Variants in MAPKBP1 observed in about 807,000 individuals in gnomAD.
The protein encoded by MAPKBP1 is mitogen-activated protein kinase binding protein 1, also known as mitogen-activated protein kinase-binding protein 1.
A neutral mutation model predicts 170.5 loss-of-function variants in MAPKBP1; 71 were observed. The ratio of observed to expected loss-of-function variants is 0.42; its 90% CI spans 0.34 to 0.51. The LOEUF is 0.51. MAPKBP1 is among the 20% of genes least tolerant of loss of function. MAPKBP1 has a pLI of 0.06. For synonymous variants in MAPKBP1, 719 were observed against 757.9 expected (o/e 0.95, Z 0.84); for missense variants, 1,598 against 1,933.0 (o/e 0.83, Z 3.25).
In MAPKBP1 at chr15:41,800,558, C is replaced by T. The variant is rs552678424; in HGVS notation, c.206+644C>T. ...CCACATTGCCCAGGCTGGTGTTGAA[C>T]TCCTGAGCTCAAGCCATCCACCTGC... is the stretch of plus-strand genomic sequence containing the variant. On this transcript the variant is annotated intron_variant, in intron 3 of 30. Transcript: ENST00000457542. Among the ~76,000 whole-genome samples, 3 of 152,272 alleles carry T rather than the reference C, an allele frequency of 2.0e-5. No homozygotes were observed. The South Asian group carries it at 6.2e-4, about 32-fold the overall frequency.
At chr15:41,821,152 TC>T in intron 23 of MAPKBP1, 84 bp downstream of exon 23, 2 of 1,275,106 alleles carry the variant, frequency 1.6e-6, no homozygotes, top group Non-Finnish European at 2.3e-6. Context: ...TGAGCACTGG[TC>T]CAGCTATGCT....
chr15:41,818,856 G>A lies in MAPKBP1; in HGVS notation c.2190G>A (p.Met730Ile). Residue 730 changes from methionine to isoleucine, a missense_variant, in exon 20 of 31, where the codon ATG becomes ATA. By Grantham distance (10) the Met-to-Ile change is conservative (BLOSUM62 1). Transcript: ENST00000457542. The surrounding 1 kb of genome is among the most constrained non-coding windows in gnomAD (Gnocchi z 5.2). Reference protein sequence around the residue: ...CIFVWRLSSEMTISMRQRLAE... With the variant: ...CIFVWRLSSEITISMRQRLAE... ...TTGTGTGGCGCCTGAGCTCTGAGAT[G>A]ACCATCAGCATGAGGCAGCGTCTGG... The A allele has an allele frequency of 6.2e-7, 1 of 1,614,184 alleles. No individual in the cohort carries two copies. The highest frequency in any genetic ancestry group is 8.5e-7 in the Non-Finnish European group (1 of 1,180,016).
intron 2 of MAPKBP1, among the ~76,000 whole-genome samples, chr15:41,789,237 CTTTG>C (rs975350645): frequency 2.6e-5 from 4 of 151,848 alleles, no homozygotes; most frequent in Non-Finnish European, 4.4e-5. Context: ...GCTCATAAAG[CTTTG>C]TTTGTGGTTC....
chr15:41,809,107 C>G (rs1374025336), intron 3 of MAPKBP1, among the ~76,000 whole-genome samples: 1 of 146,250 alleles, frequency 6.8e-6, no homozygotes, highest in East Asian at 2.0e-4. Flanking sequence ...AAGGGCTGAG[C>G]CAGGGTGGCA....
intron 2 of MAPKBP1, among the ~76,000 whole-genome samples, chr15:41,787,456 C>G (rs1485920029): frequency 6.6e-6 from 1 of 152,026 alleles, no homozygotes; most frequent in Non-Finnish European, 1.5e-5. Flanking sequence ...CAGCCTCTGC[C>G]TCCCAAGTTC....
rs1452680265 is a variant in MAPKBP1, at chr15:41,823,672, G to A, written c.3824G>A (p.Arg1275Gln). ...VAEPQAHAPIRVSPLSKLALP... is the reference protein window; with the variant it reads ...VAEPQAHAPIQVSPLSKLALP... ...GAACCTCAAGCTCATGCCCCCATCC[G>A]AGTCTCACCACTCAGCAAGCTGGCC... The change falls in exon 29 of 31, where the codon CGA (arginine) becomes CAA (glutamine). Residue 1275 changes from arginine (R) to glutamine (Q), a missense_variant. This residue lies in a region of MAPKBP1 where 942 missense variants were observed against 953.2 expected (regional missense o/e 0.99). Transcript: ENST00000457542. 10 of 1,614,100 alleles carry A rather than the reference G, an allele frequency of 6.2e-6. 1 individual carries two copies. In the East Asian group the frequency reaches 6.7e-5, roughly 11 times the overall value.
chr15:41,820,959 A>G lies in MAPKBP1; in HGVS notation c.2609A>G (p.Glu870Gly), dbSNP rs1220334076. ...TCCATGCTGGATCTGCGGCAGCTGG[A>G]AACACTGGCCCCAAGCCTGCAGGAC... ...VRSMLDLRQL[E>G]TLAPSLQDPS... Residue 870 changes from glutamate to glycine, a missense_variant, in exon 23 of 31, where the codon GAA becomes GGA. By Grantham distance (98) the Glu-to-Gly change is moderately conservative. Around this residue, in one of 6 missense-constraint regions of MAPKBP1, gnomAD observed 942 missense variants for 953.2 expected, o/e 0.99. Transcript: ENST00000457542. 6.2e-7 allele frequency: 1 copy of G among 1,614,058 alleles called. No individual in the cohort carries two copies. The highest frequency in any genetic ancestry group is 2.2e-5 in the East Asian group (1 of 44,894).
At chr15:41,806,177 A>G (rs573193063) in intron 3 of MAPKBP1, among the ~76,000 whole-genome samples, 2 of 152,340 alleles carry the variant, frequency 1.3e-5, no homozygotes, top group South Asian at 2.1e-4. Context: ...GTGAAGATGG[A>G]TCCCCACCCC....
At chr15:41,819,070 C>T in intron 20 of MAPKBP1, 113 bp downstream of exon 20, 2 of 1,511,516 alleles carry the variant, frequency 1.3e-6, no homozygotes, top group Non-Finnish European at 1.8e-6. Flanking sequence ...TCTCCCAAGA[C>T]CTTACCTCTC....
Position 41,816,893 on chromosome 15 carries a change from A to G in MAPKBP1, c.1586-17A>G. ...GTTCAGGGCACTCATGGGCTGATGG[A>G]GTTCTTTCATCCCCAGGTCTGAAAC... On this transcript the variant is annotated splice_polypyrimidine_tract_variant and intron_variant, in intron 13 of 30. Transcript: ENST00000457542. The G allele has an allele frequency of 6.3e-7, 1 of 1,593,996 alleles. No individual in the cohort carries two copies. Among genetic ancestry groups the G allele is most frequent in the South Asian group, 1.1e-5 (1 of 87,872 alleles).
chr15:41,803,071 T>C (rs371453165), intron 3 of MAPKBP1, among the ~76,000 whole-genome samples: 2 of 152,156 alleles, frequency 1.3e-5, no homozygotes, highest in Admixed American at 1.3e-4. Flanking sequence ...TTTAATACTC[T>C]GAGCAACTAT....
At chr15:41,775,540 T>C in intron 2 of MAPKBP1, 151 bp downstream of exon 2, 1 of 653,908 alleles carries the variant, frequency 1.5e-6, no homozygotes, top group Non-Finnish European at 2.7e-6. Context: ...GATTTGGTTT[T>C]AGGTTGAAGG....
At chr15:41,810,564 A>C in intron 3 of MAPKBP1, 1 of 270,100 alleles carries the variant, frequency 3.7e-6, no homozygotes, top group East Asian at 6.9e-5. Context: ...AAAAAAAAAT[A>C]CAAAGATTAG....
In MAPKBP1 at chr15:41,817,020, G is replaced by T; in HGVS notation, c.1696G>T (p.Ala566Ser). ...TLDEHSSSIT[A>S]VKFAASDGQV... The stretch of plus-strand genomic sequence containing the variant: ...GGACGAACACTCATCCTCCATCACT[G>T]CTGTTAAGTTTGCAGGTGCGGGCAG... The change falls in exon 14 of 31, where the codon GCT (alanine) becomes TCT (serine). Residue 566 changes from alanine (A) to serine (S), a missense_variant. Physicochemically the swap from Ala to Ser is moderately conservative, Grantham distance 99. Transcript: ENST00000457542. This position sits in a 1 kb window ranked among gnomAD's most constrained non-coding sequence, Gnocchi z 4.2. 1 of 1,598,750 alleles carries T rather than the reference G, an allele frequency of 6.3e-7. No individual in the cohort carries two copies. Among genetic ancestry groups the T allele is most frequent in the Non-Finnish European group, 8.5e-7 (1 of 1,169,704 alleles).
chr15:41,777,504 T>G (rs970345116), intron 2 of MAPKBP1, among the ~76,000 whole-genome samples: 1 of 152,214 alleles, frequency 6.6e-6, no homozygotes, highest in Non-Finnish European at 1.5e-5. Context: ...TGCTTCAGAC[T>G]GCTTTAGATG....
At chr15:41,800,760 A>G (rs1252813347) in intron 3 of MAPKBP1, among the ~76,000 whole-genome samples, 1 of 151,022 alleles carries the variant, frequency 6.6e-6, no homozygotes, top group Non-Finnish European at 1.5e-5. Flanking sequence ...GTAACACTGT[A>G]TTTGGCCTTT....
rs999953031 is a variant in MAPKBP1 at position 41,825,489 on chromosome 15, G to A, written c.*53G>A. 25 of 1,452,924 alleles carry A rather than the reference G, an allele frequency of 1.7e-5. No homozygotes were observed. Among genetic ancestry groups the A allele is most frequent in the Non-Finnish European group, 2.1e-5 (23 of 1,075,482 alleles). The allele number at this position is 1,452,924 out of a possible 1,614,324, so 90.0% of individuals were successfully genotyped here. The stretch of plus-strand genomic sequence containing the variant: ...AATGCTCCAGCGATTCCAAACTGCA[G>A]CCCCTCTGCCCCTCACCAAAACCTG... On this transcript the variant is annotated 3_prime_UTR_variant, in exon 31 of 31. Coordinates refer to ENST00000457542, the MANE Select transcript of MAPKBP1 (RefSeq NM_014994.3).
chr15:41,804,139 C>T (rs991572081), intron 3 of MAPKBP1, among the ~76,000 whole-genome samples: 1 of 152,204 alleles, frequency 6.6e-6, no homozygotes, highest in Non-Finnish European at 1.5e-5. Flanking sequence ...TGTGCCCGGC[C>T]ACTTTCTGCT....
rs369824432 is a variant in MAPKBP1, at chr15:41,817,977, T to G, written c.1905-32T>G. On this transcript the variant is annotated intron_variant, in intron 16 of 30. Coordinates refer to ENST00000457542, the MANE Select transcript of MAPKBP1 (RefSeq NM_014994.3). This position sits in a 1 kb window ranked among gnomAD's most constrained non-coding sequence, Gnocchi z 4.2. ...CCAGGCGTGTTCCACCTTCACCGCC[T>G]CCTCATGAGAAAGAGACTATGTTTC... 3 of 1,609,102 alleles carry G rather than the reference T, an allele frequency of 1.9e-6. No homozygotes were observed. The highest frequency in any genetic ancestry group is 2.7e-5 in the African/African-American group (2 of 74,766).
Sources: gnomAD v4.1 joint callset for allele counts (sites outside exome capture counted in the v4.1 genomes callset) on GRCh38, gnomAD v4.1.1 for gene constraint, gnomAD v4.1.1 regional missense constraint, Gnocchi (gnomAD v3.1) non-coding constraint, MANE v1.5 for transcripts, NCBI Gene and HGNC (gene_info 2026-07-23, HGNC 2026-07-21) for gene names.